The following GALK2 variants were observed in gnomAD, a reference collection of about 807,000 sequenced individuals.
GALK2 encodes the protein galactokinase 2.
A neutral mutation model predicts 52.4 loss-of-function variants in GALK2; 36 were observed. The ratio of observed to expected loss-of-function variants is 0.69; its 90% CI spans 0.53 to 0.91. GALK2 has a LOEUF of 0.91. Ranked by LOEUF, GALK2 falls within the 40% of genes least tolerant of loss-of-function variation. The pLI is 0.00. For synonymous variants in GALK2, 176 were observed against 199.1 expected, an observed-to-expected ratio of 0.88 and a Z score of 0.98; for missense variants, 579 against 559.1, an observed-to-expected ratio of 1.04 and a Z score of -0.36.
chr15:49,179,878 A>G (rs563878930), intron 1 of GALK2, among the ~76,000 whole-genome samples: 98 of 152,246 alleles, frequency 6.4e-4, no homozygotes, highest in African/African-American at 2.3e-3. Context: ...GGTAAAATAC[A>G]GCTACTTCCC....
At chr15:49,242,434 A>G (rs1402970561) in intron 5 of GALK2, among the ~76,000 whole-genome samples, 2 of 152,202 alleles carry the variant, frequency 1.3e-5, no homozygotes, top group African/African-American at 4.8e-5. Flanking sequence ...AGGGGAATTT[A>G]CCATAGAGGT....
chr15:49,296,939 T>A (rs915212518), intron 8 of GALK2, among the ~76,000 whole-genome samples: 3 of 152,248 alleles, frequency 2.0e-5, no homozygotes, highest in Admixed American at 1.3e-4. Flanking sequence ...TTCATTTGGG[T>A]ATATACCCAG....
downstream of GALK2, among the ~76,000 whole-genome samples, chr15:49,332,113 A>G (rs1190194098): frequency 6.7e-6 from 1 of 149,738 alleles, no homozygotes; most frequent in African/African-American, 2.5e-5. Flanking sequence ...ACACACACAC[A>G]CACACATCCA....
intron 8 of GALK2, among the ~76,000 whole-genome samples, chr15:49,311,810 C>G (rs1016891795): frequency 1.3e-5 from 2 of 152,236 alleles, no homozygotes; most frequent in Non-Finnish European, 2.9e-5. Context: ...GTTACCCAGG[C>G]ACATCTTTGT....
intron 8 of GALK2, among the ~76,000 whole-genome samples, chr15:49,297,780 C>T (rs2034611731): frequency 6.6e-6 from 1 of 152,042 alleles, no homozygotes; most frequent in African/African-American, 2.4e-5. Flanking sequence ...TCTGTTGCAT[C>T]AGTCTATGTG....
intron 1 of GALK2, among the ~76,000 whole-genome samples, chr15:49,171,624 T>C (rs188128626): frequency 6.6e-6 from 1 of 152,360 alleles, no homozygotes; most frequent in East Asian, 1.9e-4. Context: ...TCAATGTCTT[T>C]GAATGTTTTA....
chr15:49,222,575 C>A (rs563591910), intron 3 of GALK2, among the ~76,000 whole-genome samples: 1 of 152,228 alleles, frequency 6.6e-6, no homozygotes, highest in Admixed American at 6.5e-5. Flanking sequence ...TATTCTATGC[C>A]TGATAATTGA....
At chr15:49,213,801 A>T (rs899794975) in intron 2 of GALK2, among the ~76,000 whole-genome samples, 3 of 151,922 alleles carry the variant, frequency 2.0e-5, no homozygotes, top group African/African-American at 7.3e-5. Flanking sequence ...ACTTTTTCTG[A>T]CAATGTTTTA....
At chr15:49,221,311 AG>A (rs2089777061) in intron 3 of GALK2, among the ~76,000 whole-genome samples, 1 of 152,212 alleles carries the variant, frequency 6.6e-6, no homozygotes, top group East Asian at 1.9e-4. Context: ...GAGTTTTCCC[AG>A]CACCATTTAT....
At chr15:49,219,119 A>G (rs1482861982) in intron 3 of GALK2, among the ~76,000 whole-genome samples, 2 of 152,090 alleles carry the variant, frequency 1.3e-5, no homozygotes, top group African/African-American at 4.8e-5. Context: ...GAGCTACTGC[A>G]TCCGTCCTGG....
Position 49,328,700 on chromosome 15 carries a change from G to A in GALK2, c.*541G>A, listed in dbSNP as rs368311811. ...GCTATGAAAATAATACATGATTAAA[G>A]TTTCACAGATCTTCTTGGACATTGT... is the stretch of plus-strand genomic sequence containing the variant. On this transcript the variant is annotated 3_prime_UTR_variant, in exon 10 of 10. Transcript: ENST00000560031. 4 of 1,547,744 alleles carry A rather than the reference G, an allele frequency of 2.6e-6. No homozygotes were observed. The African/African-American group carries it at 5.5e-5, about 21-fold the overall frequency.
At chr15:49,347,876 G>A (rs945520682) in intron 3 of GALK2, among the ~76,000 whole-genome samples, 3 of 152,008 alleles carry the variant, frequency 2.0e-5, no homozygotes, top group Non-Finnish European at 4.4e-5. Flanking sequence ...CAAATTAGCT[G>A]GGCGTGGTGG....
At chr15:49,274,269 G>C (rs1209061913) in intron 5 of GALK2, among the ~76,000 whole-genome samples, 1 of 152,202 alleles carries the variant, frequency 6.6e-6, no homozygotes, top group African/African-American at 2.4e-5. Context: ...ATATGGTACA[G>C]CCTATTGCTT....
intron 5 of GALK2, among the ~76,000 whole-genome samples, chr15:49,262,814 A>G (rs2092186146): frequency 6.8e-6 from 1 of 146,472 alleles, no homozygotes; most frequent in African/African-American, 2.6e-5. Flanking sequence ...TTCTACCTTC[A>G]TTTCATTATG....
At chr15:49,186,310 T>A (rs954999527) in intron 1 of GALK2, among the ~76,000 whole-genome samples, 1 of 152,140 alleles carries the variant, frequency 6.6e-6, no homozygotes, top group African/African-American at 2.4e-5. Flanking sequence ...TATTCTTTTT[T>A]CTTTTGTGTC....
chr15:49,225,684 C>G (rs935723649), intron 3 of GALK2, among the ~76,000 whole-genome samples: 1 of 152,244 alleles, frequency 6.6e-6, no homozygotes, highest in African/African-American at 2.4e-5. Context: ...TTTCACTCCT[C>G]TCTGTCTTCT....
At chr15:49,327,788 A>C in intron 9 of GALK2, 164 bp from the exon 10 acceptor site, 1 of 581,582 alleles carries the variant, frequency 1.7e-6, no homozygotes, top group Non-Finnish European at 2.8e-6. Flanking sequence ...TCACTCTCTG[A>C]AACAGTATAA....
At chr15:49,183,691 A>G (rs1019560764) in intron 1 of GALK2, among the ~76,000 whole-genome samples, 1 of 152,146 alleles carries the variant, frequency 6.6e-6, no homozygotes, top group African/African-American at 2.4e-5. Context: ...TAAAAATACA[A>G]AATTAGCCAG....
chr15:49,220,340 C>T (rs1271791698), intron 3 of GALK2, among the ~76,000 whole-genome samples: 2 of 152,144 alleles, frequency 1.3e-5, no homozygotes, highest in African/African-American at 4.8e-5. Context: ...TAAGTTCCCA[C>T]ATATGAGTGA....
Sources: allele counts gnomAD v4.1 joint callset (sites outside exome capture counted in the v4.1 genomes callset), GRCh38; gene constraint gnomAD v4.1.1; transcripts MANE v1.5; gene names NCBI Gene and HGNC (gene_info 2026-07-23, HGNC 2026-07-21).